Variants in HFM1 observed in about 807,000 individuals in gnomAD.
HFM1 encodes probable ATP-dependent DNA helicase HFM1.
A neutral mutation model predicts 192.1 loss-of-function variants in HFM1; 169 were observed. The ratio of observed to expected loss-of-function variants is 0.88; its 90% CI spans 0.78 to 1.00. The LOEUF (loss-of-function observed/expected upper bound fraction) is 1.00. Ranked by LOEUF, HFM1 falls within the 50% of genes least tolerant of loss-of-function variation. The pLI, the probability that HFM1 is intolerant of heterozygous loss-of-function variation, is 0.00. For synonymous variants in HFM1, 525 were observed against 537.8 expected (o/e 0.98, Z 0.33); for missense variants, 1,661 against 1,668.0 (o/e 1.00, Z 0.07).
At position 91,289,184 on chromosome 1, in the gene HFM1, G is replaced by T. The variant is rs538964597; in HGVS notation, c.3392-12122C>A. Among the ~76,000 whole-genome samples, 5 of 151,992 alleles carry T rather than the reference G, an allele frequency of 3.3e-5. No homozygotes were observed. The East Asian group carries it at 9.8e-4, about 30-fold the overall frequency. Reference sequence around the variant, plus strand: ...AGAGACGCTCCTCACCTCCCAGACGGGGTGGTGGCGGGGCAGAGACACTCC... The same window carrying T: ...AGAGACGCTCCTCACCTCCCAGACGTGGTGGTGGCGGGGCAGAGACACTCC... On this transcript the variant is annotated intron_variant, in intron 30 of 38. Coordinates refer to ENST00000370425, the MANE Select transcript of HFM1 (RefSeq NM_001017975.6).
chr1:91,271,070 G>T (rs1666246074), intron 34 of HFM1, among the ~76,000 whole-genome samples: 1 of 152,034 alleles, frequency 6.6e-6, no homozygotes, highest in South Asian at 2.1e-4. Context: ...ATCCTAGTAA[G>T]GCCGTTATTC....
At chr1:91,264,526 T>G (rs534796992) in intron 36 of HFM1, among the ~76,000 whole-genome samples, 1 of 148,646 alleles carries the variant, frequency 6.7e-6, no homozygotes, top group African/African-American at 2.5e-5. Flanking sequence ...GCGCCCGCCA[T>G]CACGCCCGGC....
rs775482157 is a variant in HFM1 at position 91,313,390 on chromosome 1, G to T, written c.3350C>A (p.Ser1117Tyr). 1.3e-6 allele frequency: 2 copies of T among 1,593,276 alleles called. No homozygotes were observed. Among genetic ancestry groups the T allele is most frequent in the Non-Finnish European group, 1.7e-6 (2 of 1,164,866 alleles). The change falls in exon 30 of 39, where the codon TCT (serine) becomes TAT (tyrosine). Residue 1117 changes from serine (S) to tyrosine (Y), a missense_variant. Coordinates refer to ENST00000370425, the MANE Select transcript of HFM1 (RefSeq NM_001017975.6). ...QRKSETQISH[S>Y]KHSDISTIAG... ...TATTGTAGATATGTCTGAATGTTTA[G>T]AATGGGAAATCTGTGTTTCAGATTT...
At chr1:91,308,178 T>C (rs1440237399) in intron 30 of HFM1, among the ~76,000 whole-genome samples, 3 of 152,216 alleles carry the variant, frequency 2.0e-5, no homozygotes, top group Admixed American at 2.0e-4. Flanking sequence ...TCTTTGAATG[T>C]TAATTTTGTC....
At chr1:91,299,651 C>T (rs1306316388) in intron 30 of HFM1, among the ~76,000 whole-genome samples, 4 of 152,214 alleles carry the variant, frequency 2.6e-5, no homozygotes, top group Admixed American at 2.0e-4. Flanking sequence ...CGCTCAACTA[C>T]ATGGAAACTG....
chr1:91,338,725 C>T (rs1306286183), intron 20 of HFM1, among the ~76,000 whole-genome samples: 1 of 152,126 alleles, frequency 6.6e-6, no homozygotes, highest in Non-Finnish European at 1.5e-5. Context: ...AGTGCACCAC[C>T]GGTACATGCG....
intron 11 of HFM1, chr1:91,377,705 A>G (rs1236510182): frequency 3.2e-6 from 1 of 309,080 alleles, no homozygotes; most frequent in Admixed American, 5.2e-5. Context: ...TTGCTATACA[A>G]TTAGAGTCAG....
chr1:91,321,987 T>A (rs1652183288), intron 23 of HFM1, among the ~76,000 whole-genome samples: 1 of 152,194 alleles, frequency 6.6e-6, no homozygotes, highest in African/African-American at 2.4e-5. Context: ...AACATAACCT[T>A]GGCGAAGTCA....
At chr1:91,381,855 G>C (rs1354307960) in intron 6 of HFM1, among the ~76,000 whole-genome samples, 2 of 152,154 alleles carry the variant, frequency 1.3e-5, no homozygotes, top group Non-Finnish European at 2.9e-5. Context: ...TTTTTATAAA[G>C]ATATACAAGA....
chr1:91,380,863 A>C, intron 7 of HFM1, 49 bp downstream of exon 7: 1 of 882,254 alleles, frequency 1.1e-6, no homozygotes, highest in Non-Finnish European at 1.9e-6. Context: ...TCTAGTGATC[A>C]TAACCTAGTG....
intron 35 of HFM1, among the ~76,000 whole-genome samples, 161 bp downstream of exon 35, chr1:91,267,584 G>C (rs2100705122): frequency 6.6e-6 from 1 of 152,218 alleles, no homozygotes; most frequent in East Asian, 1.9e-4. Flanking sequence ...CTTTGTAGAA[G>C]AGTCACATTT....
At chr1:91,295,510 T>C (rs1647402121) in intron 30 of HFM1, among the ~76,000 whole-genome samples, 1 of 152,170 alleles carries the variant, frequency 6.6e-6, no homozygotes, top group Admixed American at 6.5e-5. Flanking sequence ...GCATATTGGA[T>C]TGGGGTTCAC....
At chr1:91,302,111 T>C (rs1045313026) in intron 30 of HFM1, among the ~76,000 whole-genome samples, 7 of 149,954 alleles carry the variant, frequency 4.7e-5, no homozygotes, top group Non-Finnish European at 8.9e-5. Context: ...CATCAAAAAG[T>C]GGTTCGTGAA....
intron 8 of HFM1, among the ~76,000 whole-genome samples, 174 bp from the exon 9 acceptor site, chr1:91,379,388 G>C (rs1661285362): frequency 6.6e-6 from 1 of 152,040 alleles, no homozygotes; most frequent in Admixed American, 6.6e-5. Flanking sequence ...CCAGTCTTTT[G>C]GCTTCCCTGG....
intron 13 of HFM1, among the ~76,000 whole-genome samples, chr1:91,357,000 C>T (rs1315910616): frequency 1.3e-5 from 2 of 152,126 alleles, no homozygotes; most frequent in Non-Finnish European, 2.9e-5. Context: ...AACCAGACAG[C>T]ATCACAACTG....
intron 34 of HFM1, among the ~76,000 whole-genome samples, chr1:91,268,595 G>A (rs1665987969): frequency 2.0e-5 from 3 of 151,960 alleles, no homozygotes; most frequent in African/African-American, 7.2e-5. Context: ...GCTAATAAAT[G>A]TTTAATAGCT....
intron 20 of HFM1, among the ~76,000 whole-genome samples, chr1:91,325,239 G>A (rs1206893157): frequency 6.6e-6 from 1 of 152,150 alleles, no homozygotes; most frequent in East Asian, 1.9e-4. Context: ...AGTGAAGGTC[G>A]TGGCCACAGG....
Position 91,351,659 on chromosome 1 carries a change from AC to A in HFM1, c.1978-17del. ...TAGTGTCAAACTGGGGAGAAAACAA[AC>A]AGAAATTTAGTGAAGAAGAGCACAT... is the stretch of plus-strand genomic sequence containing the variant. On this transcript the variant is annotated splice_polypyrimidine_tract_variant and intron_variant, in intron 16 of 38. Coordinates refer to ENST00000370425, the MANE Select transcript of HFM1 (RefSeq NM_001017975.6). 1 of 1,445,720 alleles carries A rather than the reference AC, an allele frequency of 6.9e-7. No individual in the cohort carries two copies. Among genetic ancestry groups the A allele is most frequent in the African/African-American group, 1.4e-5 (1 of 70,848 alleles). 89.6% of individuals were successfully genotyped at this position (1,445,720 alleles called of 1,614,324 possible).
In HFM1 at chr1:91,305,501, TAG is replaced by T. The variant is rs371648047; in HGVS notation, c.3391+7846_3391+7847del. 5.0e-4 allele frequency among the ~76,000 whole-genome samples: 76 copies of T among 152,316 alleles called. No homozygotes were observed. In the East Asian group the frequency reaches 0.013, roughly 26 times the overall value. The stretch of plus-strand genomic sequence containing the variant: ...CATATTAATTCCAACAGCATGTCTA[TAG>T]AGTCTTTTGGATTTTCTCTATAAAT... On this transcript the variant is annotated intron_variant, in intron 30 of 38. Transcript: ENST00000370425.
Sources: gnomAD v4.1 joint callset for allele counts (sites outside exome capture counted in the v4.1 genomes callset) on GRCh38, gnomAD v4.1.1 for gene constraint, MANE v1.5 for transcripts, NCBI Gene and HGNC (gene_info 2026-07-23, HGNC 2026-07-21) for gene names.